Variants in LRP1B observed in about 807,000 individuals in gnomAD.
LRP1B encodes low-density lipoprotein receptor-related protein 1B.
Under a neutral mutation model 556.6 loss-of-function variants are expected in LRP1B, and 217 were observed. The observed-to-expected ratio is 0.39, with a 90% CI of 0.35 to 0.44. LRP1B has a LOEUF of 0.44. Among genes scored for constraint, LRP1B ranks in the 20% least tolerant of loss-of-function variants. LRP1B has a pLI of 1.00. For synonymous variants in LRP1B, 2,047 were observed against 1,865.8 expected (o/e 1.10, Z -2.50); for missense variants, 5,053 against 5,620.8 (o/e 0.90, Z 3.23).
At chr2:141,329,259 G>A (rs919202507) in intron 3 of LRP1B, among the ~76,000 whole-genome samples, 1 of 151,504 alleles carries the variant, frequency 6.6e-6, no homozygotes, top group Non-Finnish European at 1.5e-5. Context: ...ATGGTGGCAG[G>A]CTCCTGTAAT....
At chr2:140,513,112 A>G (rs1389068703) in intron 51 of LRP1B, among the ~76,000 whole-genome samples, 2 of 152,128 alleles carry the variant, frequency 1.3e-5, no homozygotes, top group East Asian at 1.9e-4. Context: ...TCATAAATAT[A>G]GTGTACATTG....
chr2:140,312,387 C>T (rs545251451), intron 83 of LRP1B, among the ~76,000 whole-genome samples: 1 of 152,036 alleles, frequency 6.6e-6, no homozygotes, highest in African/African-American at 2.4e-5. Context: ...AAGTTTGACT[C>T]ACTTTGATAT....
In LRP1B at chr2:141,592,350, A is replaced by G. The variant is rs184596815; in HGVS notation, c.206-111817T>C. On this transcript the variant is annotated intron_variant, in intron 2 of 90. Coordinates refer to ENST00000389484, the MANE Select transcript of LRP1B (RefSeq NM_018557.3). ...ATACCAACAGATTTGATGTCTGGTA[A>G]GGACCTGCATTTTGGTTTCATAGGT... is the stretch of plus-strand genomic sequence containing the variant. Among the ~76,000 whole-genome samples the G allele has an allele frequency of 1.1e-3, 167 of 152,262 alleles. No individual in the cohort carries two copies. The Middle Eastern group carries it at 0.027, about 25-fold the overall frequency.
chr2:141,452,518 C>G (rs971887902), intron 3 of LRP1B, among the ~76,000 whole-genome samples: 1 of 152,176 alleles, frequency 6.6e-6, no homozygotes, highest in Non-Finnish European at 1.5e-5. Flanking sequence ...TCTGTAAACT[C>G]TACTGCAAAT....
intron 3 of LRP1B, among the ~76,000 whole-genome samples, chr2:141,366,866 A>ATC (rs34562627): frequency 0.059 from 8,997 of 152,280 alleles, 359 homozygotes; most frequent in African/African-American, 0.1. Context: ...AAATTTAGTT[A>ATC]GACTCGATCT....
chr2:141,544,889 C>T (rs1453675908), intron 2 of LRP1B, among the ~76,000 whole-genome samples: 1 of 152,010 alleles, frequency 6.6e-6, no homozygotes, highest in African/African-American at 2.4e-5. Context: ...TGGTCTCAAA[C>T]TCCTGGGCTC....
intron 5 of LRP1B, among the ~76,000 whole-genome samples, chr2:141,240,657 T>C (rs1162635457): frequency 6.6e-6 from 1 of 152,060 alleles, no homozygotes; most frequent in Non-Finnish European, 1.5e-5. Flanking sequence ...ATCAATAATT[T>C]GATAGCTAGT....
At chr2:141,877,726 C>T (rs1405339760) in intron 1 of LRP1B, among the ~76,000 whole-genome samples, 1 of 151,868 alleles carries the variant, frequency 6.6e-6, no homozygotes, top group African/African-American at 2.4e-5. Context: ...CAACAGGATG[C>T]AGAAGGTAGA....
intron 43 of LRP1B, among the ~76,000 whole-genome samples, chr2:140,590,540 T>C (rs1055741557): frequency 2.8e-5 from 4 of 143,582 alleles, no homozygotes; most frequent in African/African-American, 1.0e-4. Flanking sequence ...TTATAGAATT[T>C]GTGGCCTAGA....
At chr2:140,950,186 A>G in intron 20 of LRP1B, 49 bp downstream of exon 20, 5 of 1,330,376 alleles carry the variant, frequency 3.8e-6, no homozygotes, top group Non-Finnish European at 5.1e-6. Flanking sequence ...AAGTATTATT[A>G]TGCATCAACT....
intron 1 of LRP1B, among the ~76,000 whole-genome samples, chr2:141,968,222 C>T (rs983968872): frequency 2.0e-5 from 3 of 151,672 alleles, no homozygotes; most frequent in African/African-American, 7.3e-5. Context: ...AACAACATCC[C>T]GGCAAAAAGC....
At chr2:141,536,234 T>C (rs1685065921) in intron 2 of LRP1B, among the ~76,000 whole-genome samples, 1 of 152,116 alleles carries the variant, frequency 6.6e-6, no homozygotes, top group Non-Finnish European at 1.5e-5. Flanking sequence ...ATTCATTGTA[T>C]AACCTGAGCA....
chr2:141,298,892 TGC>T (rs1297039023), intron 3 of LRP1B, among the ~76,000 whole-genome samples: 1 of 149,890 alleles, frequency 6.7e-6, no homozygotes, highest in Non-Finnish European at 1.5e-5. Context: ...AGGCAGAGGT[TGC>T]AGTGAGCCAA....
intron 1 of LRP1B, among the ~76,000 whole-genome samples, chr2:142,128,983 A>G (rs943353277): frequency 6.6e-6 from 1 of 152,172 alleles, no homozygotes; most frequent in Non-Finnish European, 1.5e-5. Context: ...AGCATTGAGA[A>G]CTCAGCTTTA....
intron 7 of LRP1B, among the ~76,000 whole-genome samples, chr2:141,117,715 G>A (rs998865645): frequency 1.3e-5 from 2 of 151,988 alleles, no homozygotes. Flanking sequence ...ATGCTTTAGT[G>A]TGGTTCCAAG....
At chr2:141,507,252 T>TA (rs1477329001) in intron 2 of LRP1B, among the ~76,000 whole-genome samples, 1 of 152,166 alleles carries the variant, frequency 6.6e-6, no homozygotes, top group Middle Eastern at 3.2e-3. Context: ...AAATACAGCT[T>TA]ACTATGGGAA....
chr2:141,455,681 C>T lies in LRP1B; in HGVS notation c.343+24715G>A, dbSNP rs558187122. On this transcript the variant is annotated intron_variant, in intron 3 of 90. Transcript: ENST00000389484. ...AACTCAGTAACCACCTAAAGATGTA[C>T]GTTTTGTGGAATAAATGAACAAATA... 1.3e-4 allele frequency among the ~76,000 whole-genome samples: 20 copies of T among 152,118 alleles called. No homozygotes were observed. In the South Asian group the frequency reaches 2.3e-3, roughly 17 times the overall value.
At chr2:141,797,541 T>C (rs1474240377) in intron 2 of LRP1B, among the ~76,000 whole-genome samples, 1 of 152,096 alleles carries the variant, frequency 6.6e-6, no homozygotes, top group African/African-American at 2.4e-5. Context: ...TTTTGGTATA[T>C]ATTTTCAAAT....
At position 141,148,921 on chromosome 2, in the gene LRP1B, TAAAAATAC is replaced by T. The variant is rs557283410; in HGVS notation, c.1013+39492_1013+39499del. 2.0e-5 allele frequency among the ~76,000 whole-genome samples: 3 copies of T among 151,984 alleles called. No individual in the cohort carries two copies. The South Asian group carries it at 6.2e-4, about 31-fold the overall frequency. Reference sequence around the variant, plus strand: ...CAACATAGTGAAACCCAGTCTCTACTAAAAATACAAAAAAGTTAGCTGGGCATGGTGGT... The same window carrying T: ...CAACATAGTGAAACCCAGTCTCTACTAAAAAAGTTAGCTGGGCATGGTGGT... On this transcript the variant is annotated intron_variant, in intron 7 of 90. Transcript: ENST00000389484.
Sources: gnomAD v4.1 joint callset for allele counts (sites outside exome capture counted in the v4.1 genomes callset) on GRCh38, gnomAD v4.1.1 for gene constraint, MANE v1.5 for transcripts, NCBI Gene and HGNC (gene_info 2026-07-23, HGNC 2026-07-21) for gene names.